INSC: variants seen among roughly 807,000 people sequenced by gnomAD.
INSC encodes the protein protein inscuteable homolog.
INSC carries 67 observed loss-of-function variants against 58.6 expected under a neutral mutation model. The ratio of observed to expected loss-of-function variants is 1.14; its 90% CI spans 0.94 to 1.40. The LOEUF (loss-of-function observed/expected upper bound fraction) is 1.40, where lower values mean the gene tolerates loss of function less well. Ranked by LOEUF, INSC falls within the 40% of genes most tolerant of loss-of-function variation. The pLI is 0.00. For synonymous variants in INSC, 262 were observed against 276.1 expected, an observed-to-expected ratio of 0.95 and a Z score of 0.51; for missense variants, 714 against 692.0, an observed-to-expected ratio of 1.03 and a Z score of -0.36.
At chr11:15,260,994 G>A in the INSC span, among the ~76,000 whole-genome samples, 1 of 152,194 alleles carries the variant, frequency 6.6e-6, no homozygotes, top group African/African-American at 2.4e-5. Flanking sequence ...GGCCAAAGGT[G>A]GAAATTAGGT....
At chr11:15,147,540 C>G (rs144819026) in intron 1 of INSC, among the ~76,000 whole-genome samples, 4 of 152,252 alleles carry the variant, frequency 2.6e-5, no homozygotes, top group Non-Finnish European at 2.9e-5. Context: ...TATTATTATC[C>G]TCAGTTACAG....
At chr11:15,138,794 C>A (rs1848305689) in intron 1 of INSC, among the ~76,000 whole-genome samples, 1 of 152,088 alleles carries the variant, frequency 6.6e-6, no homozygotes, top group African/African-American at 2.4e-5. Context: ...TGACCACAAC[C>A]CTGAGGATAG....
At chr11:15,202,611 T>C (rs1163683296) in intron 7 of INSC, among the ~76,000 whole-genome samples, 1 of 152,216 alleles carries the variant, frequency 6.6e-6, no homozygotes, top group Non-Finnish European at 1.5e-5. Flanking sequence ...TTGGATAGTG[T>C]ACAAACGACC....
intron 5 of INSC, among the ~76,000 whole-genome samples, chr11:15,183,300 G>A (rs578017114): frequency 1.4e-5 from 2 of 144,956 alleles, no homozygotes; most frequent in African/African-American, 2.6e-5. Context: ...GCCATGAGCC[G>A]AGATCTTGCC....
intron 6 of INSC, among the ~76,000 whole-genome samples, chr11:15,199,789 C>A (rs1850508323): frequency 6.6e-6 from 1 of 152,160 alleles, no homozygotes; most frequent in South Asian, 2.1e-4. Context: ...ACCCTAGGCA[C>A]CCTGCCAGCT....
upstream of INSC, among the ~76,000 whole-genome samples, chr11:15,111,677 C>A (rs576072817): frequency 6.6e-6 from 1 of 152,276 alleles, no homozygotes; most frequent in East Asian, 1.9e-4. Context: ...ATCTCACCAG[C>A]TGTGAGGCCA....
chr11:15,258,808 T>C, the INSC span, among the ~76,000 whole-genome samples: 1 of 152,232 alleles, frequency 6.6e-6, no homozygotes, highest in Non-Finnish European at 1.5e-5. Flanking sequence ...TTTTGCTCAC[T>C]GCACACGTTT....
chr11:15,128,822 G>A (rs1201463285), intron 1 of INSC, among the ~76,000 whole-genome samples: 1 of 152,218 alleles, frequency 6.6e-6, no homozygotes, highest in African/African-American at 2.4e-5. Context: ...GCCCTCTGTG[G>A]CAGCTTTTAC....
At chr11:15,167,861 C>T (rs1026125237) in intron 2 of INSC, among the ~76,000 whole-genome samples, 4 of 152,092 alleles carry the variant, frequency 2.6e-5, no homozygotes, top group African/African-American at 9.7e-5. Flanking sequence ...AGGACTGTTA[C>T]CGTGAAAGGC....
chr11:15,218,683 A>G (rs1363481785), intron 7 of INSC, among the ~76,000 whole-genome samples: 1 of 152,192 alleles, frequency 6.6e-6, no homozygotes, highest in African/African-American at 2.4e-5. Flanking sequence ...GCAATTGGCA[A>G]TTGTATAAGC....
At chr11:15,115,564 A>T (rs1382892271) in intron 1 of INSC, among the ~76,000 whole-genome samples, 1 of 152,104 alleles carries the variant, frequency 6.6e-6, no homozygotes, top group Admixed American at 6.5e-5. Flanking sequence ...ACAACACTGG[A>T]GTGAATGTGG....
chr11:15,269,108 AG>A, the INSC span, among the ~76,000 whole-genome samples: 870 of 152,140 alleles, frequency 5.7e-3, 8 homozygotes, highest in African/African-American at 0.02. Context: ...TACCCTACTC[AG>A]TATGTCAACA....
intron 2 of INSC, among the ~76,000 whole-genome samples, chr11:15,158,864 T>TTTTTTTTG (rs1848912799): frequency 1.0e-5 from 1 of 97,074 alleles, no homozygotes; most frequent in African/African-American, 3.2e-5. Context: ...TTGGTGGTTT[T>TTTTTTTTG]TTTTTTTTTT....
At chr11:15,173,315 A>T (rs964196419) in intron 2 of INSC, among the ~76,000 whole-genome samples, 1 of 152,332 alleles carries the variant, frequency 6.6e-6, no homozygotes, top group African/African-American at 2.4e-5. Context: ...AGAAAACCTT[A>T]TAAATGTATA....
At chr11:15,249,592 C>T (rs1356058093), downstream of INSC, among the ~76,000 whole-genome samples, 2 of 152,154 alleles carry the variant, frequency 1.3e-5, no homozygotes, top group Non-Finnish European at 1.5e-5. Context: ...GAAGTTGGTG[C>T]AGAGCTGAAT....
the INSC span, among the ~76,000 whole-genome samples, chr11:15,256,704 G>T: frequency 6.6e-6 from 1 of 152,138 alleles, no homozygotes; most frequent in Non-Finnish European, 1.5e-5. Flanking sequence ...TGGTGAGGCT[G>T]GTTTTGAACT....
chr11:15,147,567 C>T (rs748353522), intron 1 of INSC, among the ~76,000 whole-genome samples: 17 of 152,192 alleles, frequency 1.1e-4, no homozygotes, highest in Non-Finnish European at 2.5e-4. Flanking sequence ...AGATGGGGCT[C>T]AACATCAATG....
At chr11:15,149,065 G>A in intron 1 of INSC, 65 bp from the exon 2 acceptor site, 1 of 1,478,212 alleles carries the variant, frequency 6.8e-7, no homozygotes, top group Non-Finnish European at 9.0e-7. Flanking sequence ...CCTGGGACTG[G>A]GAGAGAAAGT....
intron 1 of INSC, among the ~76,000 whole-genome samples, chr11:15,137,577 T>C (rs1848275267): frequency 6.6e-6 from 1 of 152,246 alleles, no homozygotes; most frequent in Admixed American, 6.5e-5. Context: ...TTGTATATTA[T>C]GGAGATGGCC....
Sources: allele counts gnomAD v4.1 joint callset (sites outside exome capture counted in the v4.1 genomes callset), GRCh38; gene constraint gnomAD v4.1.1; transcripts MANE v1.5; gene names NCBI Gene and HGNC (gene_info 2026-07-23, HGNC 2026-07-21).